ADGRL3: variants seen among roughly 807,000 people sequenced by gnomAD.
ADGRL3 encodes adhesion G protein-coupled receptor L3, also known as calcium-independent alpha-latrotoxin receptor 3.
Under a neutral mutation model 153.5 loss-of-function variants are expected in ADGRL3, and 62 were observed. The observed-to-expected ratio is 0.40, with a 90% confidence interval of 0.33 to 0.50. The LOEUF is 0.50. ADGRL3 is among the 20% of genes least tolerant of loss of function. ADGRL3 has a pLI of 0.47. For missense variants in ADGRL3, 1,641 were observed against 1,859.4 expected (o/e 0.88, Z 2.16); for synonymous variants, 710 against 672.5 (o/e 1.06, Z -0.86).
intron 21 of ADGRL3, among the ~76,000 whole-genome samples, chr4:62,007,503 C>CCT (rs1222957115): frequency 1.4e-5 from 2 of 141,348 alleles, no homozygotes; most frequent in African/African-American, 2.7e-5. Flanking sequence ...TATCTCCTAA[C>CCT]CTCCTCTGGT....
chr4:61,883,666 A>G (rs147421037), intron 9 of ADGRL3, among the ~76,000 whole-genome samples: 1,622 of 152,230 alleles, frequency 0.011, 13 homozygotes, highest in Non-Finnish European at 0.016. Flanking sequence ...ACAGTTTTTC[A>G]TTAATTCTAA....
At chr4:61,690,914 T>C (rs1172660833) in intron 6 of ADGRL3, among the ~76,000 whole-genome samples, 1 of 152,166 alleles carries the variant, frequency 6.6e-6, no homozygotes, top group African/African-American at 2.4e-5. Context: ...GTGGATATTA[T>C]CAAGAAAAAG....
intron 6 of ADGRL3, among the ~76,000 whole-genome samples, chr4:61,712,259 A>G (rs764729865): frequency 1.3e-5 from 2 of 151,916 alleles, no homozygotes; most frequent in Admixed American, 1.3e-4. Context: ...CAGGCACAGT[A>G]GTGTATGCCT....
intron 5 of ADGRL3, among the ~76,000 whole-genome samples, chr4:61,651,987 G>A (rs1353728549): frequency 6.6e-6 from 1 of 151,910 alleles, no homozygotes; most frequent in Non-Finnish European, 1.5e-5. Context: ...AAGAAAAAAT[G>A]TATTAAGCCA....
chr4:61,531,930 CTG>C (rs1228712445), intron 4 of ADGRL3, among the ~76,000 whole-genome samples: 5 of 152,092 alleles, frequency 3.3e-5, no homozygotes, highest in African/African-American at 9.7e-5. Context: ...AATACAATGT[CTG>C]TGTTTCAAAT....
intron 1 of ADGRL3, among the ~76,000 whole-genome samples, chr4:61,225,173 C>T (rs1214436175): frequency 6.6e-6 from 1 of 152,158 alleles, no homozygotes; most frequent in Non-Finnish European, 1.5e-5. Context: ...TACTCTGGTA[C>T]TTTCAGCTTA....
At chr4:61,844,116 A>G (rs1240266778) in intron 9 of ADGRL3, among the ~76,000 whole-genome samples, 2 of 150,754 alleles carry the variant, frequency 1.3e-5, no homozygotes, top group African/African-American at 2.4e-5. Context: ...GAAATCGTAT[A>G]TTTTGTGTTT....
At chr4:61,448,187 T>A (rs989167185) in intron 2 of ADGRL3, among the ~76,000 whole-genome samples, 3 of 152,194 alleles carry the variant, frequency 2.0e-5, no homozygotes, top group Non-Finnish European at 4.4e-5. Context: ...GATAAAATCT[T>A]CCCCTGCTCC....
chr4:61,361,903 C>A (rs2096287336), intron 1 of ADGRL3, among the ~76,000 whole-genome samples: 1 of 145,124 alleles, frequency 6.9e-6, no homozygotes, highest in South Asian at 2.2e-4. Context: ...TATTTAGAAA[C>A]AAAGAAGATA....
intron 6 of ADGRL3, among the ~76,000 whole-genome samples, chr4:61,699,525 G>A (rs2095709159): frequency 1.3e-5 from 2 of 152,184 alleles, no homozygotes; most frequent in Non-Finnish European, 1.5e-5. Flanking sequence ...AAGGATTATG[G>A]ATTGTTGCAG....
intron 3 of ADGRL3, among the ~76,000 whole-genome samples, chr4:61,507,962 TA>T (rs1439102484): frequency 2.6e-5 from 4 of 152,182 alleles, no homozygotes; most frequent in Non-Finnish European, 5.9e-5. Flanking sequence ...GCCATACCAT[TA>T]AAAAATTTAT....
At chr4:61,964,441 A>C (rs1286301949) in intron 17 of ADGRL3, among the ~76,000 whole-genome samples, 1 of 152,194 alleles carries the variant, frequency 6.6e-6, no homozygotes. Flanking sequence ...ACATCTAATC[A>C]GGTAAACTTT....
chr4:61,436,166 G>A (rs1187385385), intron 2 of ADGRL3, among the ~76,000 whole-genome samples: 1 of 152,042 alleles, frequency 6.6e-6, no homozygotes, highest in Middle Eastern at 3.2e-3. Flanking sequence ...ATGTTTGTTA[G>A]CATTACATTT....
chr4:61,992,756 C>T (rs907458840), intron 19 of ADGRL3, among the ~76,000 whole-genome samples: 22 of 152,122 alleles, frequency 1.4e-4, no homozygotes, highest in Admixed American at 1.4e-3. Flanking sequence ...TTTTGAAATG[C>T]TCCTTTACAT....
intron 8 of ADGRL3, among the ~76,000 whole-genome samples, chr4:61,789,663 G>T (rs1410625245): frequency 1.1e-4 from 17 of 152,036 alleles, no homozygotes; most frequent in Admixed American, 1.0e-3. Flanking sequence ...TAGTAAAATT[G>T]ACTGATAGTT....
intron 4 of ADGRL3, among the ~76,000 whole-genome samples, chr4:61,520,755 G>A (rs895165901): frequency 6.6e-6 from 1 of 150,634 alleles, no homozygotes; most frequent in Non-Finnish European, 1.5e-5. Context: ...GTCATAGTAT[G>A]GAATTCTAAG....
intron 9 of ADGRL3, among the ~76,000 whole-genome samples, chr4:61,854,974 TG>T (rs2098246327): frequency 6.6e-6 from 1 of 152,150 alleles, no homozygotes; most frequent in South Asian, 2.1e-4. Context: ...CACTCCTCAA[TG>T]TCTTTAAACA....
chr4:61,888,604 G>A (rs1016726899), intron 9 of ADGRL3, among the ~76,000 whole-genome samples: 4 of 152,178 alleles, frequency 2.6e-5, no homozygotes, highest in African/African-American at 7.2e-5. Flanking sequence ...ATGGAAGGAT[G>A]GGTATGGGGG....
chr4:61,555,379 A>T (rs2098760542), intron 4 of ADGRL3, among the ~76,000 whole-genome samples: 1 of 152,206 alleles, frequency 6.6e-6, no homozygotes, highest in South Asian at 2.1e-4. Context: ...AAAAGATAGC[A>T]GAAATGTTTC....
Sources: gnomAD v4.1 joint callset for allele counts (sites outside exome capture counted in the v4.1 genomes callset) on GRCh38, gnomAD v4.1.1 for gene constraint, MANE v1.5 for transcripts, NCBI Gene and HGNC (gene_info 2026-07-23, HGNC 2026-07-21) for gene names.